TRAM2: variants seen among roughly 807,000 people sequenced by gnomAD.
The protein encoded by TRAM2 is translocation associated membrane protein 2.
TRAM2 carries 12 observed loss-of-function variants against 51.0 expected under a neutral mutation model. The ratio of observed to expected loss-of-function variants is 0.24; its 90% CI spans 0.15 to 0.38. The LOEUF is 0.38. Ranked by LOEUF, TRAM2 falls within the 10% of genes least tolerant of loss-of-function variation. The pLI is 1.00. For synonymous variants in TRAM2, 175 were observed against 179.4 expected (o/e 0.98, Z 0.20); for missense variants, 361 against 462.0 (o/e 0.78, Z 2.00).
intron 1 of TRAM2, among the ~76,000 whole-genome samples, chr6:52,543,649 G>A (rs1272777275): frequency 1.3e-5 from 2 of 152,210 alleles, no homozygotes; most frequent in Non-Finnish European, 2.9e-5. Context: ...CCCCTCACCG[G>A]TGTAGCACAG....
chr6:52,569,079 C>T (rs62405879), intron 1 of TRAM2, among the ~76,000 whole-genome samples: 2 of 152,134 alleles, frequency 1.3e-5, no homozygotes, highest in Admixed American at 1.3e-4. Context: ...CAGGCCAGCA[C>T]CTTGATCTTC....
intron 2 of TRAM2, among the ~76,000 whole-genome samples, chr6:52,520,903 C>T (rs767028682): frequency 6.7e-6 from 1 of 149,930 alleles, no homozygotes; most frequent in African/African-American, 2.4e-5. Context: ...TCCTTACCTG[C>T]TATCCTCCTA....
At chr6:52,527,634 C>T (rs1219289778) in intron 2 of TRAM2, among the ~76,000 whole-genome samples, 1 of 152,120 alleles carries the variant, frequency 6.6e-6, no homozygotes, top group Non-Finnish European at 1.5e-5. Context: ...TGACTGCAGG[C>T]TTCAGGCTGG....
chr6:52,570,287 T>TTTCAGGGAGATGCAAATTTGG (rs1365559171), intron 1 of TRAM2, among the ~76,000 whole-genome samples: 1 of 152,226 alleles, frequency 6.6e-6, no homozygotes, highest in Non-Finnish European at 1.5e-5. Flanking sequence ...GGTCACTCCC[T>TTTCAGGGAGATGCAAATTTGG]GTAGTCTCTT....
rs1234891513 is a variant in TRAM2, at chr6:52,500,318, G to A, written c.*2879C>T. The A allele has an allele frequency of 1.3e-5, 2 of 152,292 alleles. No individual in the cohort carries two copies. Among genetic ancestry groups the A allele is most frequent in the African/African-American group, 4.8e-5 (2 of 41,552 alleles). The allele number at this position is 152,292 out of a possible 1,614,324, so 9.4% of individuals were successfully genotyped here. A position where few individuals can be genotyped will look rare whatever the true frequency, so the allele number is the denominator to read the frequency against. Reference sequence around the variant, plus strand: ...AGCTAGCCCAACACGCTCATAGGATGAAGTGGAATTATTTCAGCTCTGGCA... The same window carrying A: ...AGCTAGCCCAACACGCTCATAGGATAAAGTGGAATTATTTCAGCTCTGGCA... On this transcript the variant is annotated 3_prime_UTR_variant, in exon 11 of 11. Transcript: ENST00000182527.
intron 1 of TRAM2, among the ~76,000 whole-genome samples, chr6:52,556,247 C>T (rs766043080): frequency 2.0e-5 from 3 of 150,542 alleles, no homozygotes; most frequent in South Asian, 2.2e-4. Context: ...AGAAGCCCTC[C>T]GCAAACCCAC....
intron 1 of TRAM2, among the ~76,000 whole-genome samples, chr6:52,539,493 GA>G (rs1767039341): frequency 6.6e-6 from 1 of 151,604 alleles, no homozygotes. Flanking sequence ...TGAGGGCCAA[GA>G]TTTTTTTTCT....
chr6:52,564,385 G>A (rs763894875), intron 1 of TRAM2, among the ~76,000 whole-genome samples: 11 of 152,010 alleles, frequency 7.2e-5, no homozygotes, highest in Admixed American at 2.0e-4. Context: ...CTGCCAGTCC[G>A]GTGTCACCTT....
intron 1 of TRAM2, among the ~76,000 whole-genome samples, chr6:52,555,337 A>G (rs1767386416): frequency 1.4e-5 from 2 of 147,926 alleles, no homozygotes; most frequent in Admixed American, 7.0e-5. Context: ...CAAACTTTCT[A>G]TTTTTCCATT....
At chr6:52,541,986 A>G (rs1018590011) in intron 1 of TRAM2, among the ~76,000 whole-genome samples, 2 of 152,016 alleles carry the variant, frequency 1.3e-5, no homozygotes, top group Non-Finnish European at 2.9e-5. Context: ...ACAGAGACAC[A>G]TATGTCCCAC....
chr6:52,576,673 G>A (rs1263037042), intron 1 of TRAM2, 123 bp downstream of exon 1: 2 of 1,332,440 alleles, frequency 1.5e-6, no homozygotes, highest in Non-Finnish European at 2.0e-6. Context: ...CCGGGGTGCA[G>A]ATAACGTACA....
Position 52,557,192 on chromosome 6 carries a change from C to CAAAAAAAAAA in TRAM2, c.120+19594_120+19603dup, listed in dbSNP as rs371429027. Among the ~76,000 whole-genome samples the CAAAAAAAAAA allele has an allele frequency of 4.1e-4, 57 of 140,142 alleles. 6 individuals are homozygous for CAAAAAAAAAA. Among genetic ancestry groups the CAAAAAAAAAA allele is most frequent in the Non-Finnish European group, 4.7e-4 (30 of 63,686 alleles). The allele number at this position is 140,142 out of a possible 152,430, so 91.9% of individuals were successfully genotyped here. On this transcript the variant is annotated intron_variant, in intron 1 of 10. Transcript: ENST00000182527. The stretch of plus-strand genomic sequence containing the variant: ...TGGGAGACAAAGCAAAACTCTGTCT[C>CAAAAAAAAAA]AAAAAAAAAAGATATGTCTGGTGAG...
chr6:52,576,961 C>G lies in TRAM2; in HGVS notation c.-46G>C. On this transcript the variant is annotated 5_prime_UTR_variant, in exon 1 of 11. Transcript: ENST00000182527. ...CGGCGGGGCCCGCACCCTGCGCTCA[C>G]GAACCGCAGCGCAAACTTCTCCAGC... 6.5e-7 allele frequency: 1 copy of G among 1,548,442 alleles called. No individual in the cohort carries two copies. Among genetic ancestry groups the G allele is most frequent in the Non-Finnish European group, 8.7e-7 (1 of 1,150,106 alleles).
intron 1 of TRAM2, among the ~76,000 whole-genome samples, chr6:52,545,728 C>T (rs1406816416): frequency 6.6e-6 from 1 of 151,992 alleles, no homozygotes; most frequent in Non-Finnish European, 1.5e-5. Context: ...GACCAAGCTC[C>T]GGAAAAGACA....
At chr6:52,571,128 G>A (rs1018773085) in intron 1 of TRAM2, among the ~76,000 whole-genome samples, 1 of 152,078 alleles carries the variant, frequency 6.6e-6, no homozygotes, top group Non-Finnish European at 1.5e-5. Flanking sequence ...CACAGAGCTG[G>A]ATAAAAAGGT....
At chr6:52,528,879 T>C (rs1222667456) in intron 2 of TRAM2, among the ~76,000 whole-genome samples, 1 of 147,130 alleles carries the variant, frequency 6.8e-6, no homozygotes, top group Non-Finnish European at 1.5e-5. Flanking sequence ...TACAAACGTG[T>C]ACATGACTTT....
chr6:52,558,721 C>CTTGGTA (rs1259801231), intron 1 of TRAM2, among the ~76,000 whole-genome samples: 2 of 152,140 alleles, frequency 1.3e-5, no homozygotes, highest in African/African-American at 4.8e-5. Flanking sequence ...ACCTCCCATA[C>CTTGGTA]ACCCTGTTAA....
intron 5 of TRAM2, among the ~76,000 whole-genome samples, chr6:52,509,216 CAG>C (rs1227949974): frequency 1.3e-5 from 2 of 152,158 alleles, no homozygotes; most frequent in East Asian, 3.9e-4. Context: ...CTGTGGATGT[CAG>C]GGGGTCGCCA....
chr6:52,527,205 C>A (rs1227485505), intron 2 of TRAM2, among the ~76,000 whole-genome samples: 1 of 151,512 alleles, frequency 6.6e-6, no homozygotes, highest in Non-Finnish European at 1.5e-5. Context: ...ATGGTGAAAC[C>A]CATCCCTACT....
Sources: gnomAD v4.1 joint callset for allele counts (sites outside exome capture counted in the v4.1 genomes callset) on GRCh38, gnomAD v4.1.1 for gene constraint, MANE v1.5 for transcripts, NCBI Gene and HGNC (gene_info 2026-07-23, HGNC 2026-07-21) for gene names.